Variants in CDYL2 observed in about 807,000 individuals in gnomAD.
CDYL2 encodes chromodomain Y like 2.
Under a neutral mutation model 49.4 loss-of-function variants are expected in CDYL2, and 23 were observed. The observed-to-expected ratio is 0.47, with a 90% CI of 0.34 to 0.66. The LOEUF is 0.66. Ranked by LOEUF, CDYL2 falls within the 30% of genes least tolerant of loss-of-function variation. The pLI is 0.01. For synonymous variants in CDYL2, 360 were observed against 268.8 expected (o/e 1.34, Z -3.32); for missense variants, 678 against 656.4 (o/e 1.03, Z -0.36).
intron 1 of CDYL2, among the ~76,000 whole-genome samples, chr16:80,775,421 T>C (rs914533663): frequency 1.3e-5 from 2 of 151,714 alleles, no homozygotes; most frequent in South Asian, 4.2e-4. Flanking sequence ...AGAGAAGAAA[T>C]AAAGTGTCTA....
At chr16:80,682,452 C>A (rs910494582) in intron 2 of CDYL2, among the ~76,000 whole-genome samples, 7 of 152,160 alleles carry the variant, frequency 4.6e-5, no homozygotes, top group African/African-American at 1.7e-4. Context: ...TCAGCAAAGC[C>A]GAAGGGTGAA....
chr16:80,626,483 T>C (rs1308694830), intron 3 of CDYL2, among the ~76,000 whole-genome samples: 1 of 152,148 alleles, frequency 6.6e-6, no homozygotes, highest in Non-Finnish European at 1.5e-5. Context: ...TCGGAAGTGG[T>C]GGAGGTAGTT....
rs372040297 is a variant in CDYL2, at chr16:80,761,378, G to A, written c.24+42772C>T. Among the ~76,000 whole-genome samples, 9 of 152,196 alleles carry A rather than the reference G, an allele frequency of 5.9e-5. No individual in the cohort carries two copies. The East Asian group carries it at 7.7e-4, about 13-fold the overall frequency. ...TGAATTTGGGTTCATCGAAGTATGCGTTTTCATCAAACGGTTGTTGTAAGA... is the reference window on the plus strand; with the variant it reads ...TGAATTTGGGTTCATCGAAGTATGCATTTTCATCAAACGGTTGTTGTAAGA... On this transcript the variant is annotated intron_variant, in intron 1 of 6. Transcript: ENST00000570137.
intron 2 of CDYL2, among the ~76,000 whole-genome samples, chr16:80,650,503 C>G (rs1908538189): frequency 6.6e-6 from 1 of 152,166 alleles, no homozygotes; most frequent in African/African-American, 2.4e-5. Flanking sequence ...AAAGGGAACT[C>G]TCACACACTG....
At chr16:80,771,225 C>A (rs1049387376) in intron 1 of CDYL2, among the ~76,000 whole-genome samples, 1 of 152,180 alleles carries the variant, frequency 6.6e-6, no homozygotes, top group African/African-American at 2.4e-5. Context: ...ACAAATATTT[C>A]TTCCAAATGC....
At chr16:80,634,875 C>A (rs988291164) in intron 2 of CDYL2, among the ~76,000 whole-genome samples, 10 of 152,076 alleles carry the variant, frequency 6.6e-5, no homozygotes, top group Non-Finnish European at 1.5e-4. Flanking sequence ...AAGCATCAAG[C>A]CCAAAGAATT....
chr16:80,611,189 T>C (rs989101586), intron 5 of CDYL2, among the ~76,000 whole-genome samples: 1 of 152,136 alleles, frequency 6.6e-6, no homozygotes, highest in Non-Finnish European at 1.5e-5. Context: ...AGCTGGGGAA[T>C]AGAAGGTCTG....
intron 1 of CDYL2, among the ~76,000 whole-genome samples, chr16:80,748,013 G>C (rs778803089): frequency 8.6e-5 from 13 of 151,768 alleles, no homozygotes; most frequent in Non-Finnish European, 1.6e-4. Flanking sequence ...GCAGGGCACA[G>C]TGAACTCTGT....
intron 1 of CDYL2, among the ~76,000 whole-genome samples, chr16:80,727,589 G>A (rs914673083): frequency 2.6e-5 from 4 of 152,206 alleles, no homozygotes; most frequent in African/African-American, 7.2e-5. Context: ...ACTGGGTGGA[G>A]CCCACCACAG....
At chr16:80,636,803 C>G (rs894577720) in intron 2 of CDYL2, among the ~76,000 whole-genome samples, 5 of 152,140 alleles carry the variant, frequency 3.3e-5, no homozygotes, top group South Asian at 2.1e-4. Flanking sequence ...GGAACCAACC[C>G]CAACGCCCAT....
At chr16:80,615,998 G>A (rs544696318) in intron 4 of CDYL2, among the ~76,000 whole-genome samples, 4 of 152,234 alleles carry the variant, frequency 2.6e-5, no homozygotes, top group Admixed American at 6.5e-5. Context: ...AAAACTGTAC[G>A]CCACCTTCCC....
chr16:80,776,591 T>A (rs1907090514), intron 1 of CDYL2, among the ~76,000 whole-genome samples: 1 of 150,058 alleles, frequency 6.7e-6, no homozygotes, highest in South Asian at 2.1e-4. Flanking sequence ...AATTTTTGTA[T>A]CTGTATATTA....
intron 6 of CDYL2, among the ~76,000 whole-genome samples, chr16:80,607,356 G>A (rs1906384022): frequency 6.6e-6 from 1 of 152,140 alleles, no homozygotes; most frequent in African/African-American, 2.4e-5. Context: ...CAGGCACAGG[G>A]AGACAAGGAA....
chr16:80,768,710 C>G (rs145095320), intron 1 of CDYL2, among the ~76,000 whole-genome samples: 21 of 152,316 alleles, frequency 1.4e-4, no homozygotes, highest in African/African-American at 5.1e-4. Context: ...AGGAAGTAAT[C>G]TGGCTTCCTG....
chr16:80,607,008 AG>A (rs1298055391), intron 6 of CDYL2, among the ~76,000 whole-genome samples: 2 of 152,166 alleles, frequency 1.3e-5, no homozygotes, highest in Non-Finnish European at 2.9e-5. Context: ...TGAGAACAAT[AG>A]GGTTTCCTGG....
intron 1 of CDYL2, among the ~76,000 whole-genome samples, chr16:80,750,350 C>A (rs1597114818): frequency 6.9e-6 from 1 of 144,326 alleles, no homozygotes; most frequent in African/African-American, 2.6e-5. Context: ...ATTTTAAAAG[C>A]ACAAAATAAT....
At chr16:80,716,269 A>G (rs1904795570) in intron 1 of CDYL2, among the ~76,000 whole-genome samples, 2 of 152,262 alleles carry the variant, frequency 1.3e-5, no homozygotes, top group South Asian at 4.1e-4. Context: ...CATCATAATT[A>G]TACATCCTTT....
chr16:80,708,058 C>G (rs1303666653), intron 1 of CDYL2, among the ~76,000 whole-genome samples: 1 of 152,128 alleles, frequency 6.6e-6, no homozygotes, highest in African/African-American at 2.4e-5. Context: ...GCCCTTTCCC[C>G]CTTCATGCCC....
At chr16:80,749,575 C>T (rs943482542) in intron 1 of CDYL2, among the ~76,000 whole-genome samples, 4 of 152,082 alleles carry the variant, frequency 2.6e-5, no homozygotes, top group Non-Finnish European at 5.9e-5. Context: ...AAGATAAAGT[C>T]TCAGACACCC....
Sources: gnomAD v4.1 joint callset for allele counts (sites outside exome capture counted in the v4.1 genomes callset) on GRCh38, gnomAD v4.1.1 for gene constraint, MANE v1.5 for transcripts, NCBI Gene and HGNC (gene_info 2026-07-23, HGNC 2026-07-21) for gene names.